Variants in SPATA6 observed in about 807,000 individuals in gnomAD.
The protein encoded by SPATA6 is spermatogenesis-associated protein 6.
Under a neutral mutation model 65.3 loss-of-function variants are expected in SPATA6, and 56 were observed. The observed-to-expected ratio is 0.86, with a 90% confidence interval of 0.69 to 1.07. The LOEUF is 1.07. Ranked by LOEUF, SPATA6 falls within the 50% of genes least tolerant of loss-of-function variation. The probability of loss-of-function intolerance (pLI) is 0.00; values close to 1 mark genes in which losing one functional copy is unlikely to be tolerated. For missense variants in SPATA6, 590 were observed against 594.8 expected, an observed-to-expected ratio of 0.99 and a Z score of 0.08; for synonymous variants, 199 against 213.2, an observed-to-expected ratio of 0.93 and a Z score of 0.58.
intron 11 of SPATA6, among the ~76,000 whole-genome samples, chr1:48,316,322 T>C (rs1461323805): frequency 3.3e-5 from 5 of 152,190 alleles, no homozygotes; most frequent in Non-Finnish European, 7.3e-5. Context: ...ATGGTACTGG[T>C]ACCAAAACAG....
intron 1 of SPATA6, among the ~76,000 whole-genome samples, chr1:48,460,477 C>T (rs72897226): frequency 0.026 from 3,925 of 152,090 alleles, 108 homozygotes; most frequent in African/African-American, 0.071. Flanking sequence ...ACTGAAAGAC[C>T]GAATAATTGC....
At chr1:48,291,335 A>G (rs1361952028), downstream of SPATA6, among the ~76,000 whole-genome samples, 1 of 152,124 alleles carries the variant, frequency 6.6e-6, no homozygotes, top group Non-Finnish European at 1.5e-5. Context: ...CAGGGCGGGT[A>G]GAGAAAGATC....
At chr1:48,404,997 A>C (rs2147953964) in intron 5 of SPATA6, among the ~76,000 whole-genome samples, 1 of 152,356 alleles carries the variant, frequency 6.6e-6, no homozygotes. Flanking sequence ...CCAAAGTATT[A>C]GGTTGGTGCA....
intron 3 of SPATA6, among the ~76,000 whole-genome samples, chr1:48,427,521 A>G (rs768815476): frequency 1.3e-5 from 2 of 152,082 alleles, no homozygotes; most frequent in African/African-American, 2.4e-5. Context: ...GTTTTCTATA[A>G]TAAGACTTAT....
chr1:48,315,982 T>C (rs779843767), intron 11 of SPATA6, among the ~76,000 whole-genome samples: 9 of 152,116 alleles, frequency 5.9e-5, no homozygotes, highest in African/African-American at 9.7e-5. Context: ...TTAAAAGGGA[T>C]GTGAAGGGCC....
At chr1:48,311,041 A>G (rs942199356) in intron 11 of SPATA6, among the ~76,000 whole-genome samples, 1 of 152,168 alleles carries the variant, frequency 6.6e-6, no homozygotes, top group Non-Finnish European at 1.5e-5. Context: ...TTAAAATATA[A>G]CAAAACATAT....
At chr1:48,369,108 A>T (rs1037604260) in intron 9 of SPATA6, among the ~76,000 whole-genome samples, 1 of 151,930 alleles carries the variant, frequency 6.6e-6, no homozygotes, top group Admixed American at 6.5e-5. Context: ...AGAACAGCGG[A>T]TTTTCGTGAA....
At chr1:48,314,984 T>C (rs1045888181) in intron 11 of SPATA6, among the ~76,000 whole-genome samples, 6 of 152,116 alleles carry the variant, frequency 3.9e-5, no homozygotes, top group Non-Finnish European at 8.8e-5. Flanking sequence ...CTCCCAAGAC[T>C]AAACCAGGAA....
intron 4 of SPATA6, 44 bp from the exon 5 acceptor site, chr1:48,411,632 C>A (rs771957499): frequency 6.2e-6 from 9 of 1,441,350 alleles, no homozygotes; most frequent in East Asian, 2.6e-5. Context: ...ATAAAATATT[C>A]TATTTAGAAA....
the SPATA6 span, among the ~76,000 whole-genome samples, chr1:48,269,921 T>G: frequency 1.3e-5 from 2 of 151,942 alleles, no homozygotes; most frequent in Non-Finnish European, 2.9e-5. Context: ...TAGTGAAGAG[T>G]TATTTTCATT....
chr1:48,334,038 G>C (rs1333943518), intron 11 of SPATA6, among the ~76,000 whole-genome samples: 1 of 152,074 alleles, frequency 6.6e-6, no homozygotes, highest in Non-Finnish European at 1.5e-5. Context: ...AGAAGAAATG[G>C]ATAAATTCCT....
the SPATA6 span, among the ~76,000 whole-genome samples, chr1:48,289,354 C>T: frequency 6.6e-6 from 1 of 152,178 alleles, no homozygotes; most frequent in African/African-American, 2.4e-5. Context: ...ACATCACCAT[C>T]ATCAAAGACC....
At chr1:48,312,151 G>GAA (rs1327487574) in intron 11 of SPATA6, among the ~76,000 whole-genome samples, 1 of 152,196 alleles carries the variant, frequency 6.6e-6, no homozygotes, top group Non-Finnish European at 1.5e-5. Context: ...AGGGAATAGC[G>GAA]AAACAAAAGG....
In SPATA6 at chr1:48,297,389, C is replaced by T. The variant is rs1440052649; in HGVS notation, c.*1324G>A. On this transcript the variant is annotated 3_prime_UTR_variant, in exon 13 of 13. Coordinates refer to ENST00000371847, the MANE Select transcript of SPATA6 (RefSeq NM_019073.4). ...ATACTAAAGCCTAGGACTCCTGGCTCATAGAGATAGCTCTAATGCCCTTTC... is the reference window on the plus strand; with the variant it reads ...ATACTAAAGCCTAGGACTCCTGGCTTATAGAGATAGCTCTAATGCCCTTTC... 1 of 152,092 alleles carries T rather than the reference C, an allele frequency of 6.6e-6. No homozygotes were observed. Among genetic ancestry groups the T allele is most frequent in the East Asian group, 1.9e-4 (1 of 5,184 alleles). The allele number at this position is 152,092 out of a possible 1,614,324, so 9.4% of individuals were successfully genotyped here. A position where few individuals can be genotyped will look rare whatever the true frequency, so the allele number is the denominator to read the frequency against.
chr1:48,397,313 T>C (rs992952428), intron 7 of SPATA6, among the ~76,000 whole-genome samples: 3 of 151,730 alleles, frequency 2.0e-5, no homozygotes, highest in Admixed American at 6.6e-5. Flanking sequence ...TTAAAACAAC[T>C]GAATTGTACA....
At chr1:48,310,654 A>C (rs1410780597) in intron 11 of SPATA6, among the ~76,000 whole-genome samples, 2 of 152,178 alleles carry the variant, frequency 1.3e-5, no homozygotes, top group African/African-American at 4.8e-5. Flanking sequence ...GCAATATTTG[A>C]TTTTTCAACA....
chr1:48,262,979 A>C, the SPATA6 span: 3 of 152,174 alleles, frequency 2.0e-5, no homozygotes, highest in Non-Finnish European at 2.9e-5. Flanking sequence ...ATATAGCTTC[A>C]TTCTTGTTTC....
At chr1:48,437,482 GACTA>G (rs1376097001) in intron 3 of SPATA6, among the ~76,000 whole-genome samples, 4 of 152,248 alleles carry the variant, frequency 2.6e-5, no homozygotes, top group African/African-American at 9.6e-5. Context: ...TCTAAGCTGT[GACTA>G]ACTCTTTTTA....
At chr1:48,268,444 C>T in the SPATA6 span, among the ~76,000 whole-genome samples, 1 of 151,934 alleles carries the variant, frequency 6.6e-6, no homozygotes, top group Non-Finnish European at 1.5e-5. Flanking sequence ...ATTCATCTGG[C>T]TGAGCTCCTG....
Sources: gnomAD v4.1 joint callset for allele counts (sites outside exome capture counted in the v4.1 genomes callset) on GRCh38, gnomAD v4.1.1 for gene constraint, MANE v1.5 for transcripts, NCBI Gene and HGNC (gene_info 2026-07-23, HGNC 2026-07-21) for gene names.